HCRTR2: variants seen among roughly 807,000 people sequenced by gnomAD.
The protein encoded by HCRTR2 is orexin receptor type 2.
In HCRTR2, 22 loss-of-function variants were observed where a neutral mutation model predicts 49.0. The ratio of observed to expected loss-of-function variants is 0.45; its 90% confidence interval spans 0.32 to 0.64. HCRTR2 has a LOEUF of 0.64. Among genes scored for constraint, HCRTR2 ranks in the 30% least tolerant of loss-of-function variants. The pLI, the probability that HCRTR2 is intolerant of heterozygous loss-of-function variation, is 0.04. For missense variants in HCRTR2, 491 were observed against 559.4 expected (o/e 0.88, Z 1.23); for synonymous variants, 236 against 205.3 (o/e 1.15, Z -1.28).
At chr6:55,262,199 C>T (rs1167008510) in intron 3 of HCRTR2, among the ~76,000 whole-genome samples, 2 of 151,082 alleles carry the variant, frequency 1.3e-5, no homozygotes, top group Non-Finnish European at 2.9e-5. Flanking sequence ...ACCAAAATCT[C>T]AGAAATCACC....
rs951505946 is a variant in HCRTR2 at position 55,110,741 on chromosome 6, T to G, written c.-378+4196T>G. 2.6e-5 allele frequency among the ~76,000 whole-genome samples: 4 copies of G among 152,072 alleles called. No individual in the cohort carries two copies. In the East Asian group the frequency reaches 5.8e-4, roughly 22 times the overall value. On this transcript the variant is annotated intron_variant, in intron 1 of 7. Transcript: ENST00000615358. The stretch of plus-strand genomic sequence containing the variant: ...TCCAAATTTTTGAAACAATTTATAG[T>G]AAACCTAAGAAATGAGATAGACAGA...
chr6:55,143,447 A>C (rs1220104210), intron 1 of HCRTR2, among the ~76,000 whole-genome samples: 1 of 152,248 alleles, frequency 6.6e-6, no homozygotes, highest in East Asian at 1.9e-4. Flanking sequence ...CAAGATTAAA[A>C]CAAAAATCAA....
intron 1 of HCRTR2, among the ~76,000 whole-genome samples, chr6:55,188,528 C>T (rs527491062): frequency 3.0e-4 from 46 of 152,204 alleles, no homozygotes; most frequent in Non-Finnish European, 5.9e-4. Flanking sequence ...ACTGTAGCAG[C>T]AAAAGGTACA....
At chr6:55,275,902 C>G (rs186626155) in intron 4 of HCRTR2, among the ~76,000 whole-genome samples, 20 of 152,176 alleles carry the variant, frequency 1.3e-4, no homozygotes, top group Admixed American at 6.6e-4. Context: ...AATGTAGATT[C>G]TCTCCTTCAG....
At chr6:55,174,313 C>T (rs2127268635), upstream of HCRTR2, 1 of 497,638 alleles carries the variant, frequency 2.0e-6, no homozygotes, top group East Asian at 3.9e-5. Context: ...CTTTCTCCTC[C>T]TGGTGTCATT....
At position 55,174,708 on chromosome 6, in the gene HCRTR2, C is replaced by A. The variant is rs1239136284; in HGVS notation, c.121C>A (p.Arg41=). The change falls in exon 1 of 7, where the codon CGG becomes AGG. Residue 41 remains arginine, a synonymous_variant. Coordinates refer to ENST00000370862, the MANE Select transcript of HCRTR2 (RefSeq NM_001384272.1). ...CGACTATGACGACGAGGAATTCCTG[C>A]GGTACCTGTGGAGGGAATACCTGCA... ...PTDYDDEEFL[R]YLWREYLHPK... 1 of 1,614,042 alleles carries A rather than the reference C, an allele frequency of 6.2e-7. No homozygotes were observed.
chr6:55,174,193 T>A (rs1581807435), upstream of HCRTR2: 2 of 160,992 alleles, frequency 1.2e-5, no homozygotes, highest in Admixed American at 6.5e-5. Context: ...TTTTCATTAC[T>A]TTTTTTTTTT....
At chr6:55,246,585 GC>G (rs1466431762) in intron 1 of HCRTR2, among the ~76,000 whole-genome samples, 2 of 152,020 alleles carry the variant, frequency 1.3e-5, no homozygotes, top group African/African-American at 4.8e-5. Context: ...GAGGTTGGTA[GC>G]TTCCTTTTCA....
chr6:55,191,727 T>TA (rs1765318563), intron 1 of HCRTR2, among the ~76,000 whole-genome samples: 1 of 152,010 alleles, frequency 6.6e-6, no homozygotes, highest in South Asian at 2.1e-4. Context: ...AGACAATGAA[T>TA]AAAAATCTCT....
intron 1 of HCRTR2, among the ~76,000 whole-genome samples, chr6:55,127,496 C>T (rs1255831103): frequency 6.6e-6 from 1 of 152,140 alleles, no homozygotes; most frequent in Admixed American, 6.6e-5. Flanking sequence ...AGCTGCAGAC[C>T]AGAGCTCTTC....
intron 1 of HCRTR2, among the ~76,000 whole-genome samples, chr6:55,159,441 G>A (rs1476289630): frequency 6.6e-6 from 1 of 152,082 alleles, no homozygotes; most frequent in African/African-American, 2.4e-5. Context: ...TCCTCCAAAG[G>A]ATCACAATTC....
Position 55,212,018 on chromosome 6 carries a change from GAAC to G in HCRTR2, c.224-36612_224-36610del, listed in dbSNP as rs1581832654. Among the ~76,000 whole-genome samples, 8 of 152,152 alleles carry G rather than the reference GAAC, an allele frequency of 5.3e-5. No individual in the cohort carries two copies. The East Asian group carries it at 1.5e-3, about 29-fold the overall frequency. On this transcript the variant is annotated intron_variant, in intron 1 of 6. Transcript: ENST00000370862. ...GGCTTCTCTAAAAGTAAGTGCTCAA[GAAC>G]AACAACAAAAAGTGTTACATTAATA... is the stretch of plus-strand genomic sequence containing the variant.
intron 1 of HCRTR2, among the ~76,000 whole-genome samples, chr6:55,209,516 A>G (rs1191128413): frequency 6.6e-6 from 1 of 152,134 alleles, no homozygotes; most frequent in African/African-American, 2.4e-5. Context: ...GTTTGTTCAC[A>G]TGCCACACAG....
intron 1 of HCRTR2, among the ~76,000 whole-genome samples, chr6:55,130,276 T>C (rs918598747): frequency 2.0e-5 from 3 of 152,062 alleles, no homozygotes; most frequent in Non-Finnish European, 4.4e-5. Context: ...GACCAATATA[T>C]AATTGCTTCC....
intron 4 of HCRTR2, among the ~76,000 whole-genome samples, chr6:55,267,109 C>T (rs1423301265): frequency 2.6e-5 from 4 of 152,094 alleles, no homozygotes; most frequent in African/African-American, 9.7e-5. Flanking sequence ...TGCGTGATTA[C>T]ATAGAATTCT....
intron 1 of HCRTR2, among the ~76,000 whole-genome samples, chr6:55,164,116 A>G (rs1764843827): frequency 6.6e-6 from 1 of 152,238 alleles, no homozygotes; most frequent in African/African-American, 2.4e-5. Flanking sequence ...TTAAAAAGTC[A>G]GGAAACAACA....
chr6:55,256,796 T>C (rs1766661543), intron 3 of HCRTR2, among the ~76,000 whole-genome samples: 1 of 152,116 alleles, frequency 6.6e-6, no homozygotes, highest in Admixed American at 6.6e-5. Flanking sequence ...GAGAACTTAG[T>C]ATATGTCAGG....
chr6:55,237,714 G>A (rs1766240751), intron 1 of HCRTR2, among the ~76,000 whole-genome samples: 1 of 152,182 alleles, frequency 6.6e-6, no homozygotes, highest in South Asian at 2.1e-4. Flanking sequence ...TTAAAGAAAT[G>A]TGTAACACTT....
chr6:55,219,112 T>G (rs1175191588), intron 1 of HCRTR2, among the ~76,000 whole-genome samples: 1 of 152,168 alleles, frequency 6.6e-6, no homozygotes, highest in East Asian at 1.9e-4. Context: ...TGAGCCACCG[T>G]GCTCAGGACC....
Sources: allele counts gnomAD v4.1 joint callset (sites outside exome capture counted in the v4.1 genomes callset), GRCh38; gene constraint gnomAD v4.1.1; transcripts MANE v1.5; gene names NCBI Gene and HGNC (gene_info 2026-07-23, HGNC 2026-07-21).